FBXO36: variants seen among roughly 807,000 people sequenced by gnomAD.
FBXO36 encodes F-box protein 36.
FBXO36 carries 18 observed loss-of-function variants against 17.0 expected under a neutral mutation model. That is an observed-to-expected ratio of 1.06 (90% confidence interval 0.73 to 1.57). The LOEUF is 1.57. Ranked by LOEUF, FBXO36 falls within the 40% of genes most tolerant of loss-of-function variation. FBXO36 has a pLI of 0.00. For synonymous variants in FBXO36, 83 were observed against 85.3 expected (o/e 0.97, Z 0.15); for missense variants, 229 against 221.9 (o/e 1.03, Z -0.20).
chr2:230,003,921 G>A (rs1326143129), intron 3 of FBXO36, among the ~76,000 whole-genome samples: 1 of 152,210 alleles, frequency 6.6e-6, no homozygotes, highest in African/African-American at 2.4e-5. Flanking sequence ...GTGATTGCTT[G>A]TCCATGTGAG....
chr2:229,961,418 G>A (rs966945089), intron 1 of FBXO36, among the ~76,000 whole-genome samples: 2 of 151,272 alleles, frequency 1.3e-5, no homozygotes, highest in African/African-American at 2.4e-5. Flanking sequence ...GCTCTGTCAC[G>A]AGGCTGGAGT....
At chr2:229,944,438 C>T (rs1283485662) in intron 1 of FBXO36, among the ~76,000 whole-genome samples, 1 of 152,134 alleles carries the variant, frequency 6.6e-6, no homozygotes, top group Non-Finnish European at 1.5e-5. Flanking sequence ...AAGATAGTAT[C>T]ACCCCTTTAA....
At chr2:229,975,527 G>C (rs920141876) in intron 1 of FBXO36, among the ~76,000 whole-genome samples, 2 of 149,734 alleles carry the variant, frequency 1.3e-5, no homozygotes, top group African/African-American at 4.9e-5. Context: ...GGAGTACAGT[G>C]GTGCGATCTC....
At chr2:229,999,015 G>T (rs1196787297) in intron 3 of FBXO36, among the ~76,000 whole-genome samples, 1 of 151,502 alleles carries the variant, frequency 6.6e-6, no homozygotes, top group Non-Finnish European at 1.5e-5. Context: ...TGTTAGCCAG[G>T]ATGGTCTCGA....
At chr2:229,929,439 G>A (rs576286035) in intron 1 of FBXO36, among the ~76,000 whole-genome samples, 5 of 152,030 alleles carry the variant, frequency 3.3e-5, no homozygotes, top group South Asian at 4.2e-4. Context: ...GGGAGCGGGC[G>A]CCTATAGTCC....
At chr2:229,997,028 C>A in intron 3 of FBXO36, 105 bp downstream of exon 3, 1 of 998,842 alleles carries the variant, frequency 1.0e-6, no homozygotes, top group Non-Finnish European at 1.5e-6. Flanking sequence ...GTGATGGACA[C>A]TGTCTTAGGT....
At chr2:229,964,116 G>T (rs562751329) in intron 1 of FBXO36, among the ~76,000 whole-genome samples, 13 of 151,720 alleles carry the variant, frequency 8.6e-5, no homozygotes, top group Non-Finnish European at 1.3e-4. Context: ...TAGGGAGATT[G>T]CCTGTTTGTC....
At chr2:230,009,145 C>G (rs1220498424) in intron 3 of FBXO36, among the ~76,000 whole-genome samples, 1 of 152,102 alleles carries the variant, frequency 6.6e-6, no homozygotes, top group Non-Finnish European at 1.5e-5. Flanking sequence ...AGAGGTCACA[C>G]TTACACATTT....
intron 1 of FBXO36, among the ~76,000 whole-genome samples, chr2:229,950,018 A>G (rs746177650): frequency 2.6e-5 from 4 of 152,218 alleles, no homozygotes; most frequent in Non-Finnish European, 5.9e-5. Context: ...TTGTCTCAGG[A>G]AAAATTAATC....
chr2:229,993,735 T>G (rs946695916), intron 2 of FBXO36, among the ~76,000 whole-genome samples: 3 of 152,190 alleles, frequency 2.0e-5, no homozygotes, highest in Non-Finnish European at 1.5e-5. Flanking sequence ...CATACCTAGC[T>G]GTACATGTCC....
At chr2:229,949,847 C>T (rs374926115) in intron 1 of FBXO36, among the ~76,000 whole-genome samples, 12 of 152,220 alleles carry the variant, frequency 7.9e-5, no homozygotes, top group African/African-American at 2.9e-4. Context: ...ATGGCGTGAA[C>T]CTGGGAGGCG....
chr2:229,946,873 A>G (rs1396589020), intron 1 of FBXO36, among the ~76,000 whole-genome samples: 1 of 152,214 alleles, frequency 6.6e-6, no homozygotes, highest in Non-Finnish European at 1.5e-5. Flanking sequence ...TTGGATTAAA[A>G]GCAAGTATAG....
chr2:229,987,006 G>T (rs1402181186), intron 2 of FBXO36, among the ~76,000 whole-genome samples: 4 of 151,086 alleles, frequency 2.6e-5, no homozygotes, highest in Admixed American at 6.6e-5. Flanking sequence ...ATCATTTGAG[G>T]TCAGGAGTTC....
chr2:229,996,893 GCTTTGT>G lies in FBXO36; in HGVS notation c.350_355del (p.Leu117_Cys118del). On this transcript the variant is annotated inframe_deletion, in exon 3 of 4. Coordinates refer to ENST00000283946, the MANE Select transcript of FBXO36 (RefSeq NM_174899.5). ...ATCTGGATCTTGAAGATATTGCCAG[GCTTTGT>G]CAAACATCACACAGATTTGCAAAGG... is the stretch of plus-strand genomic sequence containing the variant. 6.2e-7 allele frequency: 1 copy of G among 1,613,760 alleles called. No individual in the cohort carries two copies. Among genetic ancestry groups the G allele is most frequent in the East Asian group, 2.2e-5 (1 of 44,852 alleles).
In FBXO36 at chr2:230,011,578, A is replaced by G. The variant is rs1367224715; in HGVS notation, c.*694A>G. On this transcript the variant is annotated 3_prime_UTR_variant, in exon 4 of 4. Coordinates refer to ENST00000283946, the MANE Select transcript of FBXO36 (RefSeq NM_174899.5). ...CTACTTCACATTGTTAAATAAACCT[A>G]TAAACATTTCTTTTCTTTTCTTTTT... The G allele has an allele frequency of 1.3e-5, 2 of 149,290 alleles. No homozygotes were observed. The highest frequency in any genetic ancestry group is 6.8e-5 in the Admixed American group (1 of 14,716). 9.2% of individuals were successfully genotyped at this position (149,290 alleles called of 1,614,324 possible). A position where few individuals can be genotyped will look rare whatever the true frequency, so the allele number is the denominator to read the frequency against.
At chr2:229,932,896 CAT>C (rs2076946237) in intron 1 of FBXO36, 1 of 331,914 alleles carries the variant, frequency 3.0e-6, no homozygotes, top group Admixed American at 3.2e-5. Context: ...GGTGAAACCC[CAT>C]CTCTAATAAA....
At chr2:229,953,005 T>G (rs2077064986) in intron 1 of FBXO36, among the ~76,000 whole-genome samples, 1 of 152,216 alleles carries the variant, frequency 6.6e-6, no homozygotes, top group South Asian at 2.1e-4. Flanking sequence ...TTTTCCCTGT[T>G]TACTGTGTTC....
chr2:229,972,676 A>C (rs958602507), intron 1 of FBXO36, among the ~76,000 whole-genome samples: 2 of 151,586 alleles, frequency 1.3e-5, no homozygotes, highest in African/African-American at 4.9e-5. Context: ...CCACTGCCTC[A>C]GCCTCCCAAA....
chr2:229,924,634 T>C (rs2076896062), intron 1 of FBXO36, among the ~76,000 whole-genome samples: 1 of 152,194 alleles, frequency 6.6e-6, no homozygotes, highest in East Asian at 1.9e-4. Context: ...GAGTATCTTG[T>C]TACCTTTTTA....
Sources: gnomAD v4.1 joint callset for allele counts (sites outside exome capture counted in the v4.1 genomes callset) on GRCh38, gnomAD v4.1.1 for gene constraint, MANE v1.5 for transcripts, NCBI Gene and HGNC (gene_info 2026-07-23, HGNC 2026-07-21) for gene names.